PDZRN4: variants seen among roughly 807,000 people sequenced by gnomAD.
The protein encoded by PDZRN4 is PDZ domain-containing RING finger protein 4.
Under a neutral mutation model 99.0 loss-of-function variants are expected in PDZRN4, and 70 were observed. The ratio of observed to expected loss-of-function variants is 0.71; its 90% CI spans 0.58 to 0.86. The LOEUF (loss-of-function observed/expected upper bound fraction) is 0.86. Among genes scored for constraint, PDZRN4 ranks in the 40% least tolerant of loss-of-function variants. The pLI is 0.00. For synonymous variants in PDZRN4, 551 were observed against 501.6 expected, an observed-to-expected ratio of 1.10 and a Z score of -1.32; for missense variants, 1,474 against 1,331.2, an observed-to-expected ratio of 1.11 and a Z score of -1.67.
At chr12:41,326,998 A>C (rs955212754) in intron 3 of PDZRN4, among the ~76,000 whole-genome samples, 1 of 152,094 alleles carries the variant, frequency 6.6e-6, no homozygotes, top group African/African-American at 2.4e-5. Context: ...CATTTTTTTC[A>C]ATCAGTTTCT....
chr12:41,409,745 C>T (rs906026960), intron 3 of PDZRN4: 8 of 152,146 alleles, frequency 5.3e-5, no homozygotes, highest in African/African-American at 1.9e-4. Context: ...AAATTCACCT[C>T]ATCGCTTTGA....
At chr12:41,389,727 A>T (rs1592039879) in intron 3 of PDZRN4, among the ~76,000 whole-genome samples, 2 of 152,228 alleles carry the variant, frequency 1.3e-5, no homozygotes, top group Admixed American at 6.5e-5. Context: ...CTGTTTATGG[A>T]CTATGACTTG....
chr12:41,495,678 T>C (rs1937986674), intron 3 of PDZRN4, among the ~76,000 whole-genome samples: 1 of 152,114 alleles, frequency 6.6e-6, no homozygotes, highest in Non-Finnish European at 1.5e-5. Context: ...ACTTTTCAGA[T>C]GAAAGGTATT....
At chr12:41,275,459 A>C (rs1034327470) in intron 3 of PDZRN4, among the ~76,000 whole-genome samples, 3 of 152,144 alleles carry the variant, frequency 2.0e-5, no homozygotes, top group African/African-American at 7.2e-5. Context: ...TTTTGAGGCC[A>C]AGTTGTTGGC....
Position 41,243,979 on chromosome 12 carries a change from A to G in PDZRN4, c.843+49791A>G, listed in dbSNP as rs532120920. 1.2e-4 allele frequency among the ~76,000 whole-genome samples: 19 copies of G among 152,268 alleles called. 1 individual carries two copies. In the South Asian group the frequency reaches 3.7e-3, roughly 30 times the overall value. On this transcript the variant is annotated intron_variant, in intron 3 of 9. Transcript: ENST00000402685. The stretch of plus-strand genomic sequence containing the variant: ...TGTATTTCCTACATACTCTCAGGTG[A>G]TCTCAGCCAGATCCAAGGCTGGAGG...
chr12:41,251,160 T>C (rs182015626), intron 3 of PDZRN4, among the ~76,000 whole-genome samples: 1 of 152,316 alleles, frequency 6.6e-6, no homozygotes, highest in East Asian at 1.9e-4. Flanking sequence ...TTGGTACCCA[T>C]CAAGTGGAAA....
Position 41,572,462 on chromosome 12 carries a change from C to A in PDZRN4, c.1683C>A (p.Ser561Arg). 2 of 1,614,122 alleles carry A rather than the reference C, an allele frequency of 1.2e-6. No individual in the cohort carries two copies. Among genetic ancestry groups the A allele is most frequent in the South Asian group, 1.1e-5 (1 of 91,080 alleles). The stretch of plus-strand genomic sequence containing the variant: ...GTGGAGTAGGACGTACAGATGAAAG[C>A]TTGCGAAATGATGAGAGCTCAGAGC... Reference protein sequence around the residue: ...KDSGVGRTDESLRNDESSEQE... With the variant: ...KDSGVGRTDERLRNDESSEQE... Residue 561 changes from serine (S) to arginine (R), a missense_variant, in exon 10 of 10, where the codon AGC (serine) becomes AGA (arginine). Transcript: ENST00000402685.
intron 3 of PDZRN4, among the ~76,000 whole-genome samples, chr12:41,424,532 C>G (rs1055024100): frequency 6.6e-6 from 1 of 152,062 alleles, no homozygotes; most frequent in East Asian, 1.9e-4. Flanking sequence ...CTATTATGAC[C>G]TGTTACTTGG....
chr12:41,234,918 G>A (rs1210819396), intron 3 of PDZRN4, among the ~76,000 whole-genome samples: 3 of 152,048 alleles, frequency 2.0e-5, no homozygotes, highest in African/African-American at 7.2e-5. Flanking sequence ...AGAGACTGAG[G>A]AAGGATGCAT....
At chr12:41,465,738 G>A (rs1952918287) in intron 3 of PDZRN4, among the ~76,000 whole-genome samples, 1 of 152,228 alleles carries the variant, frequency 6.6e-6, no homozygotes, top group African/African-American at 2.4e-5. Context: ...TGGCAGTGGA[G>A]ATGAAGAGGA....
At chr12:41,246,538 A>G (rs1443184724) in intron 3 of PDZRN4, among the ~76,000 whole-genome samples, 1 of 152,146 alleles carries the variant, frequency 6.6e-6, no homozygotes, top group East Asian at 1.9e-4. Context: ...TTGTGACACT[A>G]TTACTACATC....
At chr12:41,302,650 G>A (rs1157403727) in intron 3 of PDZRN4, among the ~76,000 whole-genome samples, 2 of 152,078 alleles carry the variant, frequency 1.3e-5, no homozygotes, top group Non-Finnish European at 2.9e-5. Flanking sequence ...AATTTGCACA[G>A]TGCGTTTTGG....
chr12:41,221,000 T>A (rs1368380535), intron 3 of PDZRN4, among the ~76,000 whole-genome samples: 5 of 152,200 alleles, frequency 3.3e-5, no homozygotes, highest in African/African-American at 4.8e-5. Context: ...TGGGACCATA[T>A]GACTGAGTTC....
At chr12:41,430,530 C>A (rs1478645344) in intron 3 of PDZRN4, among the ~76,000 whole-genome samples, 1 of 151,370 alleles carries the variant, frequency 6.6e-6, no homozygotes, top group Non-Finnish European at 1.5e-5. Context: ...GTATTACATT[C>A]TTTATATAGA....
intron 3 of PDZRN4, among the ~76,000 whole-genome samples, chr12:41,399,617 T>C (rs1014228122): frequency 2.0e-5 from 3 of 151,960 alleles, no homozygotes; most frequent in African/African-American, 7.3e-5. Flanking sequence ...GTGCCTATAA[T>C]GCCAGCTACC....
rs1315704901 is a variant in PDZRN4 at position 41,188,648 on chromosome 12, T to C, written c.193T>C (p.Tyr65His). Residue 65 changes from tyrosine (Y) to histidine (H), a missense_variant, in exon 1 of 10, where the codon TAC (tyrosine) becomes CAC (histidine). Physicochemically the swap from Tyr to His is moderately conservative, Grantham distance 83. Coordinates refer to ENST00000402685, the MANE Select transcript of PDZRN4 (RefSeq NM_001164595.2). ...QCQPLAPGEL[Y>H]RVLPLRSLIQ... ...CCAGCCCTTGGCGCCCGGCGAGCTG[T>C]ACCGGGTGCTGCCGCTGCGCAGCCT... The C allele has an allele frequency of 5.8e-6, 9 of 1,543,518 alleles. No homozygotes were observed. The highest frequency in any genetic ancestry group is 7.8e-6 in the Non-Finnish European group (9 of 1,152,142).
At chr12:41,189,854 C>A (rs897677333) in intron 1 of PDZRN4, among the ~76,000 whole-genome samples, 2 of 152,086 alleles carry the variant, frequency 1.3e-5, no homozygotes, top group African/African-American at 4.8e-5. Context: ...GTGGTCAGAC[C>A]GGCCCTGCGA....
At chr12:41,300,923 T>C (rs1565545753) in intron 3 of PDZRN4, among the ~76,000 whole-genome samples, 1 of 152,022 alleles carries the variant, frequency 6.6e-6, no homozygotes, top group Non-Finnish European at 1.5e-5. Context: ...AGGAGTTCTG[T>C]GTTATGGCTT....
In PDZRN4 at chr12:41,243,929, C is replaced by A. The variant is rs147948965; in HGVS notation, c.843+49741C>A. Among the ~76,000 whole-genome samples the A allele has an allele frequency of 3.3e-5, 5 of 152,278 alleles. No homozygotes were observed. The East Asian group carries it at 9.7e-4, about 29-fold the overall frequency. On this transcript the variant is annotated intron_variant, in intron 3 of 9. Coordinates refer to ENST00000402685, the MANE Select transcript of PDZRN4 (RefSeq NM_001164595.2). The stretch of plus-strand genomic sequence containing the variant: ...TCATATTCCCAGTCTCTCAATGTGC[C>A]TCCAGACTGAGTACTCTGATGGCTT...
Sources: allele counts gnomAD v4.1 joint callset (sites outside exome capture counted in the v4.1 genomes callset), GRCh38; gene constraint gnomAD v4.1.1; transcripts MANE v1.5; gene names NCBI Gene and HGNC (gene_info 2026-07-23, HGNC 2026-07-21).